The following COMMD10 variants were observed in gnomAD, a reference collection of about 807,000 sequenced individuals.
COMMD10 encodes the protein COMM domain containing 10, also known as COMM domain-containing protein 10.
A neutral mutation model predicts 28.9 loss-of-function variants in COMMD10; 33 were observed. That is an observed-to-expected ratio of 1.14 (90% CI 0.87 to 1.53). The LOEUF is 1.53. COMMD10 is among the 40% of genes most tolerant of loss of function. COMMD10 has a pLI of 0.00. For missense variants in COMMD10, 310 were observed against 233.4 expected (o/e 1.33, Z -2.14); for synonymous variants, 110 against 81.7 (o/e 1.35, Z -1.87).
chr5:116,266,963 A>G (rs1049013159), intron 5 of COMMD10, among the ~76,000 whole-genome samples: 7 of 151,920 alleles, frequency 4.6e-5, no homozygotes, highest in Admixed American at 2.6e-4. Context: ...AATAAGAGCT[A>G]TTTATGACAG....
chr5:116,166,817 A>G (rs1481525968), intron 5 of COMMD10, among the ~76,000 whole-genome samples: 1 of 152,168 alleles, frequency 6.6e-6, no homozygotes, highest in African/African-American at 2.4e-5. Flanking sequence ...CAAAACGGAC[A>G]TCCACACAAA....
At chr5:116,171,266 C>T (rs895837710) in intron 5 of COMMD10, among the ~76,000 whole-genome samples, 2 of 152,084 alleles carry the variant, frequency 1.3e-5, no homozygotes, top group African/African-American at 4.8e-5. Context: ...TGCAAATCAA[C>T]ATCACAATGA....
rs532553460 is a variant in COMMD10, at chr5:116,156,771, C to T, written c.510+22593C>T. 2.0e-5 allele frequency among the ~76,000 whole-genome samples: 3 copies of T among 152,242 alleles called. No homozygotes were observed. In the South Asian group the frequency reaches 6.2e-4, roughly 32 times the overall value. On this transcript the variant is annotated intron_variant, in intron 5 of 6. Coordinates refer to ENST00000274458, the MANE Select transcript of COMMD10 (RefSeq NM_016144.4). ...AACAAAGGGTTTTGTAGTTACTCTT[C>T]TGCTTTGATCTGTCCCAGACTATAT...
At chr5:116,151,495 CTT>C (rs1373438031) in intron 5 of COMMD10, among the ~76,000 whole-genome samples, 1 of 150,854 alleles carries the variant, frequency 6.6e-6, no homozygotes, top group Admixed American at 6.6e-5. Flanking sequence ...GTCCTGGACT[CTT>C]TGGTTGGTAA....
intron 5 of COMMD10, among the ~76,000 whole-genome samples, chr5:116,198,439 C>T (rs1437253905): frequency 6.6e-6 from 1 of 152,120 alleles, no homozygotes; most frequent in African/African-American, 2.4e-5. Context: ...CGTATATTCC[C>T]TTCCCCTATG....
intron 5 of COMMD10, among the ~76,000 whole-genome samples, chr5:116,243,153 G>A (rs548356741): frequency 1.3e-5 from 2 of 152,246 alleles, no homozygotes; most frequent in East Asian, 3.9e-4. Context: ...AATGCTGACT[G>A]CACTATGAAT....
chr5:116,292,592 T>A lies in COMMD10; in HGVS notation c.*103T>A. Reference sequence around the variant, plus strand: ...TTTTCTGAAGGATTCAGTGACTTGCTTTCTGTAAATTATATGGCTTATCAC... The same window carrying A: ...TTTTCTGAAGGATTCAGTGACTTGCATTCTGTAAATTATATGGCTTATCAC... On this transcript the variant is annotated 3_prime_UTR_variant, in exon 7 of 7. Transcript: ENST00000274458. 2.3e-6 allele frequency: 2 copies of A among 876,722 alleles called. No individual in the cohort carries two copies. The highest frequency in any genetic ancestry group is 5.1e-5 in the East Asian group (2 of 39,164). The allele number at this position is 876,722 out of a possible 1,614,324, so 54.3% of individuals were successfully genotyped here. A position where few individuals can be genotyped will look rare whatever the true frequency, so the allele number is the denominator to read the frequency against.
chr5:116,137,285 T>C lies in COMMD10; in HGVS notation c.510+3107T>C, dbSNP rs181239009. On this transcript the variant is annotated intron_variant, in intron 5 of 6. Transcript: ENST00000274458. The stretch of plus-strand genomic sequence containing the variant: ...ATATGAAATGAGAATTCTTCACAGG[T>C]TGGAATATTAAGTAAAAAGGAATGA... Among the ~76,000 whole-genome samples the C allele has an allele frequency of 2.8e-3, 423 of 152,152 alleles. 2 individuals are homozygous for C. Among genetic ancestry groups the C allele is most frequent in the African/African-American group, 9.8e-3 (407 of 41,540 alleles).
At chr5:116,131,152 G>A (rs1297177353) in intron 4 of COMMD10, among the ~76,000 whole-genome samples, 1 of 151,890 alleles carries the variant, frequency 6.6e-6, no homozygotes, top group African/African-American at 2.4e-5. Context: ...TTACAACTTA[G>A]TGAGGCAGGT....
intron 5 of COMMD10, among the ~76,000 whole-genome samples, chr5:116,182,346 T>C (rs889966508): frequency 1.3e-5 from 2 of 151,720 alleles, no homozygotes; most frequent in African/African-American, 4.8e-5. Context: ...TTAAGAACAA[T>C]AGGTTTCCGA....
chr5:116,241,583 C>CTCATTTAT (rs1749811975), intron 5 of COMMD10, among the ~76,000 whole-genome samples: 1 of 140,448 alleles, frequency 7.1e-6, no homozygotes, highest in Admixed American at 7.2e-5. Context: ...ACTCTGCTTT[C>CTCATTTAT]TTATTTATTT....
At chr5:116,157,158 A>T (rs989753719) in intron 5 of COMMD10, among the ~76,000 whole-genome samples, 1 of 152,148 alleles carries the variant, frequency 6.6e-6, no homozygotes, top group African/African-American at 2.4e-5. Context: ...GTTTTTCCTA[A>T]TAGATTGCTC....
intron 5 of COMMD10, among the ~76,000 whole-genome samples, chr5:116,192,539 A>G (rs1255418934): frequency 1.3e-5 from 2 of 152,200 alleles, no homozygotes; most frequent in African/African-American, 2.4e-5. Context: ...GAAAGTCTCA[A>G]CAATAGAATT....
chr5:116,257,318 C>T (rs1174972307), intron 5 of COMMD10, among the ~76,000 whole-genome samples: 1 of 151,594 alleles, frequency 6.6e-6, no homozygotes, highest in African/African-American at 2.4e-5. Flanking sequence ...TACAAAGGGC[C>T]TTTATAGAGA....
In COMMD10 at chr5:116,107,631, C is replaced by T. The variant is rs183199910; in HGVS notation, c.399+14931C>T. Among the ~76,000 whole-genome samples the T allele has an allele frequency of 1.9e-4, 29 of 152,108 alleles. 1 individual carries two copies. The highest frequency in any genetic ancestry group is 7.7e-4 in the East Asian group (4 of 5,168). ...TCTTGCATTGGGTTAGAACATGCGC[C>T]TTTAGCTTGGAGGAGTTTGTTATTA... is the stretch of plus-strand genomic sequence containing the variant. On this transcript the variant is annotated intron_variant, in intron 4 of 6. Coordinates refer to ENST00000274458, the MANE Select transcript of COMMD10 (RefSeq NM_016144.4).
In COMMD10 at chr5:116,209,478, C is replaced by T. The variant is rs189735125; in HGVS notation, c.510+75300C>T. ...TGTATGACTTTTAGTTCTAAAGTAC[C>T]TTGCAAGTATTACTGTTAATCTCAT... On this transcript the variant is annotated intron_variant, in intron 5 of 6. Transcript: ENST00000274458. Among the ~76,000 whole-genome samples, 102 of 152,188 alleles carry T rather than the reference C, an allele frequency of 6.7e-4. 1 individual carries two copies. The highest frequency in any genetic ancestry group is 6.8e-3 in the Middle Eastern group (2 of 294).
intron 5 of COMMD10, among the ~76,000 whole-genome samples, chr5:116,223,721 G>A (rs540920895): frequency 6.6e-6 from 1 of 152,246 alleles, no homozygotes; most frequent in East Asian, 1.9e-4. Flanking sequence ...ACTCTGAAGC[G>A]ACTATAATGT....
intron 5 of COMMD10, among the ~76,000 whole-genome samples, chr5:116,203,046 C>T (rs1392507903): frequency 6.6e-6 from 1 of 151,850 alleles, no homozygotes; most frequent in Non-Finnish European, 1.5e-5. Context: ...TTGAATCCAT[C>T]TTGAATTGAT....
chr5:116,223,654 G>A (rs1749321021), intron 5 of COMMD10, among the ~76,000 whole-genome samples: 1 of 152,198 alleles, frequency 6.6e-6, no homozygotes, highest in African/African-American at 2.4e-5. Context: ...GAGTCAGAGA[G>A]GGACAGAAGG....
Sources: gnomAD v4.1 joint callset for allele counts (sites outside exome capture counted in the v4.1 genomes callset) on GRCh38, gnomAD v4.1.1 for gene constraint, MANE v1.5 for transcripts, NCBI Gene and HGNC (gene_info 2026-07-23, HGNC 2026-07-21) for gene names.